Variants in MYO10 observed in about 807,000 individuals in gnomAD.
The protein encoded by MYO10 is myosin X.
A neutral mutation model predicts 257.3 loss-of-function variants in MYO10; 133 were observed. That is an observed-to-expected ratio of 0.52 (90% confidence interval 0.45 to 0.60). MYO10 has a LOEUF of 0.60. MYO10 is among the 20% of genes least tolerant of loss of function. MYO10 has a pLI of 0.00. For missense variants in MYO10, 2,399 were observed against 2,635.7 expected (o/e 0.91, Z 1.97); for synonymous variants, 1,104 against 1,028.6 (o/e 1.07, Z -1.40).
At chr5:16,802,500 T>C (rs904504743) in intron 3 of MYO10, among the ~76,000 whole-genome samples, 1 of 150,704 alleles carries the variant, frequency 6.6e-6, no homozygotes, top group Admixed American at 6.6e-5. Flanking sequence ...CTACTAAAAA[T>C]ACAAAAATTA....
At chr5:16,836,700 T>C (rs1159132402) in intron 2 of MYO10, among the ~76,000 whole-genome samples, 1 of 152,240 alleles carries the variant, frequency 6.6e-6, no homozygotes, top group East Asian at 1.9e-4. Context: ...CACTTGATAG[T>C]TGTATTTATG....
At chr5:16,700,561 C>T (rs1737997820) in intron 25 of MYO10, among the ~76,000 whole-genome samples, 1 of 151,938 alleles carries the variant, frequency 6.6e-6, no homozygotes, top group Admixed American at 6.6e-5. Flanking sequence ...TCTGTAATCC[C>T]AGCTATTCAG....
rs368330843 is a variant in MYO10 at position 16,763,829 on chromosome 5, G to T, written c.1327-74C>A. The stretch of plus-strand genomic sequence containing the variant: ...TATAGAAAGGTGAAGAAAAGACAAA[G>T]AAAAGATCTGCAGAGAAAAATATCA... On this transcript the variant is annotated intron_variant, in intron 12 of 40. Coordinates refer to ENST00000513610, the MANE Select transcript of MYO10 (RefSeq NM_012334.3). 1.7e-4 allele frequency: 158 copies of T among 930,598 alleles called. 2 individuals are homozygous for T. In the African/African-American group the frequency reaches 2.1e-3, roughly 12 times the overall value. The allele number at this position is 930,598 out of a possible 1,614,324, so 57.6% of individuals were successfully genotyped here.
At chr5:16,696,537 T>TA (rs1325530333) in intron 26 of MYO10, among the ~76,000 whole-genome samples, 1 of 152,208 alleles carries the variant, frequency 6.6e-6, no homozygotes, top group African/African-American at 2.4e-5. Flanking sequence ...TTCCTACTCT[T>TA]ACTGGTTTTA....
chr5:16,882,762 G>A (rs1744790363), intron 1 of MYO10, among the ~76,000 whole-genome samples: 1 of 152,122 alleles, frequency 6.6e-6, no homozygotes, highest in South Asian at 2.1e-4. Context: ...GAGGGACAGT[G>A]ACTGAGTGAA....
intron 3 of MYO10, among the ~76,000 whole-genome samples, chr5:16,802,992 C>A (rs1414655509): frequency 6.6e-6 from 1 of 151,934 alleles, no homozygotes; most frequent in African/African-American, 2.4e-5. Flanking sequence ...GTATTCCCAG[C>A]CACTAGGGAG....
intron 9 of MYO10, among the ~76,000 whole-genome samples, chr5:16,769,893 G>A (rs935680040): frequency 6.6e-6 from 1 of 152,088 alleles, no homozygotes; most frequent in Non-Finnish European, 1.5e-5. Flanking sequence ...GTAAAAATGT[G>A]GAGAGGGAGT....
At chr5:16,684,250 ATTTG>A (rs896245811) in intron 29 of MYO10, among the ~76,000 whole-genome samples, 23 of 152,098 alleles carry the variant, frequency 1.5e-4, no homozygotes, top group East Asian at 3.9e-4. Flanking sequence ...TTTTAATTTA[ATTTG>A]TTTGTTTTTG....
chr5:16,815,690 AAT>A (rs1425675650), intron 3 of MYO10, among the ~76,000 whole-genome samples: 2 of 152,220 alleles, frequency 1.3e-5, no homozygotes, highest in Non-Finnish European at 2.9e-5. Flanking sequence ...AATATTTAAT[AAT>A]AACAACACAC....
chr5:16,807,116 C>T (rs1742300067), intron 3 of MYO10, among the ~76,000 whole-genome samples: 1 of 152,162 alleles, frequency 6.6e-6, no homozygotes, highest in African/African-American at 2.4e-5. Flanking sequence ...AGATTTATTT[C>T]GTACTCACCA....
rs532376670 is a variant in MYO10, at chr5:16,807,051, G to A, written c.279+10958C>T. ...GCACTGGGGAAATGGGTTATTTAAA[G>A]TCTGTGCTATGGCAGCTAAAGGGAA... On this transcript the variant is annotated intron_variant, in intron 3 of 40. Transcript: ENST00000513610. 1.8e-4 allele frequency among the ~76,000 whole-genome samples: 28 copies of A among 152,316 alleles called. No individual in the cohort carries two copies. In the South Asian group the frequency reaches 4.3e-3, roughly 24 times the overall value.
intron 19 of MYO10, among the ~76,000 whole-genome samples, chr5:16,721,858 G>A (rs1739166218): frequency 6.6e-6 from 1 of 152,170 alleles, no homozygotes; most frequent in African/African-American, 2.4e-5. Flanking sequence ...GATAGCTCTG[G>A]TTGTATCACA....
intron 9 of MYO10, among the ~76,000 whole-genome samples, chr5:16,776,353 G>C (rs1349864749): frequency 6.6e-6 from 1 of 151,914 alleles, no homozygotes; most frequent in African/African-American, 2.4e-5. Flanking sequence ...AGGTTAAAGA[G>C]TAACGGGTTA....
intron 3 of MYO10, among the ~76,000 whole-genome samples, chr5:16,815,974 A>C (rs1286030516): frequency 6.6e-6 from 1 of 151,866 alleles, no homozygotes; most frequent in African/African-American, 2.4e-5. Flanking sequence ...ATTTCTCTGG[A>C]CAGGGCTGTT....
intron 26 of MYO10, among the ~76,000 whole-genome samples, chr5:16,698,680 G>A (rs189671535): frequency 1.5e-4 from 22 of 145,136 alleles, no homozygotes; most frequent in Admixed American, 1.5e-3. Flanking sequence ...CTGGGGTGCA[G>A]TGGCGCGATC....
intron 16 of MYO10, 41 bp downstream of exon 16, chr5:16,762,004 C>A (rs1052291004): frequency 6.1e-6 from 9 of 1,467,358 alleles, no homozygotes; most frequent in Non-Finnish European, 8.1e-6. Flanking sequence ...CTCTGAATAC[C>A]AAACAGGCAA....
chr5:16,922,452 CA>C (rs1746014479), intron 1 of MYO10, among the ~76,000 whole-genome samples: 3 of 152,034 alleles, frequency 2.0e-5, no homozygotes, highest in Non-Finnish European at 2.9e-5. Context: ...AAGTAAGATC[CA>C]AATAGATGAC....
chr5:16,936,016 G>T lies in MYO10; in HGVS notation c.-208C>A. The T allele has an allele frequency of 1.6e-6, 1 of 608,600 alleles. No individual in the cohort carries two copies. Among genetic ancestry groups the T allele is most frequent in the Non-Finnish European group, 2.9e-6 (1 of 342,946 alleles). 37.7% of individuals were successfully genotyped at this position (608,600 alleles called of 1,614,324 possible). On this transcript the variant is annotated 5_prime_UTR_variant, in exon 1 of 41. Coordinates refer to ENST00000513610, the MANE Select transcript of MYO10 (RefSeq NM_012334.3). ...AAGTCCCTAACTCGCCCGTCCCGAC[G>T]GCAGCCTTTGTCTCTTCTTCCTCCA... is the stretch of plus-strand genomic sequence containing the variant.
chr5:16,706,826 C>G (rs1478897175), intron 21 of MYO10, among the ~76,000 whole-genome samples: 1 of 152,198 alleles, frequency 6.6e-6, no homozygotes, highest in Non-Finnish European at 1.5e-5. Flanking sequence ...TTCTCCTTCA[C>G]CAACCTAAAG....
Sources: allele counts gnomAD v4.1 joint callset (sites outside exome capture counted in the v4.1 genomes callset), GRCh38; gene constraint gnomAD v4.1.1; transcripts MANE v1.5; gene names NCBI Gene and HGNC (gene_info 2026-07-23, HGNC 2026-07-21).